NFYB: variants seen among roughly 807,000 people sequenced by gnomAD.
The protein encoded by NFYB is CAAT box DNA-binding protein subunit B.
Under a neutral mutation model 28.0 loss-of-function variants are expected in NFYB, and 13 were observed. The ratio of observed to expected loss-of-function variants is 0.46; its 90% CI spans 0.30 to 0.74. NFYB has a LOEUF of 0.74. NFYB is among the 30% of genes least tolerant of loss of function. The probability of loss-of-function intolerance (pLI) is 0.07; values close to 1 mark genes in which losing one functional copy is unlikely to be tolerated. For missense variants in NFYB, 142 were observed against 247.6 expected, an observed-to-expected ratio of 0.57 and a Z score of 2.86; for synonymous variants, 74 against 75.0, an observed-to-expected ratio of 0.99 and a Z score of 0.07.
At chr12:104,137,839 C>T (rs2031172892) in intron 1 of NFYB, 1 of 147,200 alleles carries the variant, frequency 6.8e-6, no homozygotes. Context: ...CCCTCCTCGG[C>T]CCCGGGCCCG....
intron 3 of NFYB, among the ~76,000 whole-genome samples, chr12:104,126,578 T>C (rs1436993554): frequency 1.3e-5 from 2 of 152,208 alleles, no homozygotes; most frequent in East Asian, 3.8e-4. Context: ...CTCTATGCCT[T>C]TTCTCTTACA....
chr12:104,127,214 G>A lies in NFYB; in HGVS notation c.101-970C>T, dbSNP rs561655000. 5.9e-5 allele frequency among the ~76,000 whole-genome samples: 9 copies of A among 152,186 alleles called. No individual in the cohort carries two copies. In the South Asian group the frequency reaches 8.3e-4, roughly 14 times the overall value. ...TCAGAATTAATTTATTTGAATATCC[G>A]TTTCAGGATGAAATTAATCCCTCTG... is the stretch of plus-strand genomic sequence containing the variant. On this transcript the variant is annotated intron_variant, in intron 3 of 7. Coordinates refer to ENST00000240055, the MANE Select transcript of NFYB (RefSeq NM_006166.4).
intron 3 of NFYB, among the ~76,000 whole-genome samples, chr12:104,127,569 AAAAAAAT>A (rs1213399583): frequency 4.1e-5 from 6 of 146,538 alleles, no homozygotes; most frequent in Non-Finnish European, 7.5e-5. Flanking sequence ...CTCCATCTCA[AAAAAAAT>A]AAAAAATAAA....
chr12:104,126,304 A>G, intron 3 of NFYB, 60 bp from the exon 4 acceptor site: 2 of 1,273,450 alleles, frequency 1.6e-6, no homozygotes, highest in Non-Finnish European at 2.1e-6. Context: ...CAAGATAGAA[A>G]AAACTACCAA....
chr12:104,125,832 G>A (rs2030685120), intron 4 of NFYB, among the ~76,000 whole-genome samples: 2 of 114,326 alleles, frequency 1.7e-5, no homozygotes, highest in African/African-American at 3.3e-5. Context: ...TGGCCAATAA[G>A]AGTGAAACTC....
At chr12:104,127,662 C>CT (rs1294227019) in intron 3 of NFYB, among the ~76,000 whole-genome samples, 2 of 111,884 alleles carry the variant, frequency 1.8e-5, no homozygotes, top group Non-Finnish European at 3.6e-5. Context: ...CATAACACTG[C>CT]CTTTTTTTTT....
At chr12:104,122,250 C>T (rs902583632) in intron 5 of NFYB, among the ~76,000 whole-genome samples, 1 of 152,196 alleles carries the variant, frequency 6.6e-6, no homozygotes, top group East Asian at 1.9e-4. Context: ...AATAATCTGT[C>T]CAAGGCCACA....
chr12:104,126,587 C>A (rs967346146), intron 3 of NFYB, among the ~76,000 whole-genome samples: 1 of 152,120 alleles, frequency 6.6e-6, no homozygotes, highest in East Asian at 1.9e-4. Context: ...TTTTCTCTTA[C>A]ACATTTTTAG....
At chr12:104,128,727 C>T (rs542776443) in intron 2 of NFYB, 13 of 253,538 alleles carry the variant, frequency 5.1e-5, no homozygotes, top group South Asian at 3.3e-4. Flanking sequence ...AGTGCAGTGG[C>T]GTGATCACAG....
chr12:104,131,194 A>G (rs1362826968), intron 2 of NFYB: 2 of 152,340 alleles, frequency 1.3e-5, no homozygotes, highest in Non-Finnish European at 2.9e-5. Context: ...TCAGTCTTCT[A>G]AAAGTGAAGA....
intron 2 of NFYB, 160 bp from the exon 3 acceptor site, chr12:104,128,677 A>T: frequency 2.5e-6 from 1 of 406,584 alleles, no homozygotes; most frequent in East Asian, 4.6e-5. Context: ...AAAATTAATT[A>T]TTTTTTTGAG....
intron 1 of NFYB, among the ~76,000 whole-genome samples, 174 bp from the exon 2 acceptor site, chr12:104,135,706 ATGTT>A (rs1476197372): frequency 6.6e-6 from 1 of 152,228 alleles, no homozygotes; most frequent in Non-Finnish European, 1.5e-5. Context: ...CACCCAATAA[ATGTT>A]TGTTGACTTG....
chr12:104,126,150 A>G lies in NFYB; in HGVS notation c.195T>C (p.Ala65=), dbSNP rs2030705546. ...GAGGTATGGCATTTTTCATTATCCT[A>G]GCCACGTTTGCTATTGGAAGATATA... ...QDIYLPIANV[A]RIMKNAIPQT... Residue 65 remains alanine (A), a synonymous_variant, in exon 4 of 8, where the codon GCT becomes GCC. Transcript: ENST00000240055. The G allele has an allele frequency of 6.2e-7, 1 of 1,601,606 alleles. No individual in the cohort carries two copies.
At chr12:104,123,186 AG>A (rs1593627025) in intron 5 of NFYB, 39 bp downstream of exon 5, 6 of 1,496,616 alleles carry the variant, frequency 4.0e-6, no homozygotes, top group Non-Finnish European at 4.6e-6. Flanking sequence ...AAAAAAAAAA[AG>A]AAGAAAAAAA....
chr12:104,128,780 C>T (rs35142441), intron 2 of NFYB, among the ~76,000 whole-genome samples: 13,447 of 152,204 alleles, frequency 0.088, 870 homozygotes, highest in Admixed American at 0.17. Context: ...AATCCTCCCA[C>T]CTCAGCCTCC....
intron 2 of NFYB, among the ~76,000 whole-genome samples, chr12:104,129,403 C>T (rs1405961457): frequency 6.6e-6 from 1 of 152,108 alleles, no homozygotes; most frequent in African/African-American, 2.4e-5. Flanking sequence ...CTCCTGCTTG[C>T]GAACTTTCTT....
intron 1 of NFYB, chr12:104,137,939 C>G (rs1248477811): frequency 6.8e-6 from 1 of 146,230 alleles, no homozygotes; most frequent in Non-Finnish European, 1.5e-5. Flanking sequence ...CGGCCCCGCG[C>G]CCGCTCCCCG....
chr12:104,120,515 A>G (rs2030430917), intron 6 of NFYB, 36 bp from the exon 7 acceptor site: 1 of 1,393,036 alleles, frequency 7.2e-7, no homozygotes, highest in African/African-American at 1.4e-5. Flanking sequence ...AGGGAAATGA[A>G]CTATATCTAC....
intron 1 of NFYB, 42 bp downstream of exon 1, chr12:104,138,099 A>T (rs888036193): frequency 6.8e-6 from 1 of 147,108 alleles, no homozygotes; most frequent in African/African-American, 2.5e-5. Flanking sequence ...GCTAAAGTGG[A>T]GTCGGTTTAG....
Sources: allele counts gnomAD v4.1 joint callset (sites outside exome capture counted in the v4.1 genomes callset), GRCh38; gene constraint gnomAD v4.1.1; transcripts MANE v1.5; gene names NCBI Gene and HGNC (gene_info 2026-07-23, HGNC 2026-07-21).